The following SECISBP2L variants were observed in gnomAD, a reference collection of about 807,000 sequenced individuals.
SECISBP2L encodes the protein SECIS binding protein 2 like.
In SECISBP2L, 43 loss-of-function variants were observed where a neutral mutation model predicts 114.7. That is an observed-to-expected ratio of 0.38 (90% confidence interval 0.29 to 0.48). The LOEUF (loss-of-function observed/expected upper bound fraction) is 0.48. Among genes scored for constraint, SECISBP2L ranks in the 20% least tolerant of loss-of-function variants. SECISBP2L has a pLI of 0.98. For synonymous variants in SECISBP2L, 451 were observed against 439.7 expected (o/e 1.03, Z -0.32); for missense variants, 1,136 against 1,301.1 (o/e 0.87, Z 1.95).
chr15:48,996,359 C>CAA lies in SECISBP2L; in HGVS notation c.2623+6_2623+7dup. 1 of 1,610,160 alleles carries CAA rather than the reference C, an allele frequency of 6.2e-7. No homozygotes were observed. Among genetic ancestry groups the CAA allele is most frequent in the Non-Finnish European group, 8.5e-7 (1 of 1,176,788 alleles). On this transcript the variant is annotated splice_region_variant and intron_variant, in intron 17 of 17. Transcript: ENST00000559471. ...TTAAGTCATTTAAAATAGTATTCAA[C>CAA]AACTTACCATATTCCTTTTCATTTA...
intron 13 of SECISBP2L, among the ~76,000 whole-genome samples, chr15:49,010,864 C>G (rs1415831512): frequency 7.2e-5 from 11 of 152,130 alleles, no homozygotes; most frequent in African/African-American, 2.7e-4. Context: ...AACAGCAGGA[C>G]CTGTCTACTA....
rs944567103 is a variant in SECISBP2L, at chr15:49,017,471, T to C, written c.1251+77A>G. The C allele has an allele frequency of 1.6e-4, 147 of 927,172 alleles. 3 individuals carry two copies. In the Admixed American group the frequency reaches 3.1e-3, roughly 19 times the overall value. 57.4% of individuals were successfully genotyped at this position (927,172 alleles called of 1,614,324 possible). On this transcript the variant is annotated intron_variant, in intron 9 of 17. Coordinates refer to ENST00000559471, the MANE Select transcript of SECISBP2L (RefSeq NM_001193489.2). ...GCTGCTCCATGTGCCTTTACACTTA[T>C]CTTTAATATTTCCCTTCAACATAGC...
intron 14 of SECISBP2L, among the ~76,000 whole-genome samples, chr15:49,005,500 C>G (rs1397181350): frequency 6.8e-6 from 1 of 147,480 alleles, no homozygotes; most frequent in Non-Finnish European, 1.5e-5. Flanking sequence ...CCTTCTTTGT[C>G]TCTCTTGATC....
intron 7 of SECISBP2L, among the ~76,000 whole-genome samples, chr15:49,025,233 T>C (rs1902716993): frequency 6.6e-6 from 1 of 152,200 alleles, no homozygotes; most frequent in Non-Finnish European, 1.5e-5. Context: ...AAGAGTGAAT[T>C]ATTTTTTTTT....
chr15:49,009,190 A>C (rs1467301042), intron 14 of SECISBP2L, 26 bp downstream of exon 14: 2 of 1,608,834 alleles, frequency 1.2e-6, no homozygotes, highest in Non-Finnish European at 1.7e-6. Flanking sequence ...AAACTATTCA[A>C]CCTCAATAAT....
chr15:49,027,293 C>T, intron 7 of SECISBP2L, 72 bp downstream of exon 7: 2 of 1,073,504 alleles, frequency 1.9e-6, no homozygotes, highest in East Asian at 4.8e-5. Flanking sequence ...ATCCACTACA[C>T]CACTGTAACT....
At chr15:49,014,963 A>G (rs1265364775) in intron 11 of SECISBP2L, among the ~76,000 whole-genome samples, 1 of 151,818 alleles carries the variant, frequency 6.6e-6, no homozygotes, top group Non-Finnish European at 1.5e-5. Flanking sequence ...AGTTGTAACA[A>G]TAAGCCATCT....
chr15:49,001,051 G>T lies in SECISBP2L; in HGVS notation c.2074C>A (p.Leu692Ile). The change falls in exon 15 of 18, where the codon CTT becomes ATT. Residue 692 changes from leucine (L) to isoleucine (I), a missense_variant. Physicochemically the swap from Leu to Ile is conservative, Grantham distance 5. Coordinates refer to ENST00000559471, the MANE Select transcript of SECISBP2L (RefSeq NM_001193489.2). ...AAACTGACAAGCTCTTGGAGAAGAAGAGTCACACATTCATCAATCTCTTTA... is the reference window on the plus strand; with the variant it reads ...AAACTGACAAGCTCTTGGAGAAGAATAGTCACACATTCATCAATCTCTTTA... ...LCKEIDECVTLLLQELVSFQE... is the reference protein window; with the variant it reads ...LCKEIDECVTILLQELVSFQE... 9 of 1,613,598 alleles carry T rather than the reference G, an allele frequency of 5.6e-6. No individual in the cohort carries two copies. The highest frequency in any genetic ancestry group is 7.6e-6 in the Non-Finnish European group (9 of 1,179,836).
At chr15:49,025,204 T>G (rs149006425) in intron 7 of SECISBP2L, among the ~76,000 whole-genome samples, 273 of 152,344 alleles carry the variant, frequency 1.8e-3, no homozygotes, top group Non-Finnish European at 3.1e-3. Context: ...AATGATTTAT[T>G]TTTGCAATAA....
intron 3 of SECISBP2L, among the ~76,000 whole-genome samples, chr15:49,033,675 A>G (rs1389042834): frequency 6.6e-6 from 1 of 151,986 alleles, no homozygotes; most frequent in Admixed American, 6.6e-5. Flanking sequence ...AATCGCTACA[A>G]AACAAACAAA....
intron 17 of SECISBP2L, among the ~76,000 whole-genome samples, chr15:48,995,074 G>T (rs1902060562): frequency 6.6e-6 from 1 of 151,864 alleles, no homozygotes; most frequent in African/African-American, 2.4e-5. Context: ...CTTTGAATCT[G>T]GTGCTTTCTG....
rs1902388720 is a variant in SECISBP2L, at chr15:49,009,358, T to C, written c.1885A>G (p.Ser629Gly). 1 of 1,613,922 alleles carries C rather than the reference T, an allele frequency of 6.2e-7. No individual in the cohort carries two copies. The highest frequency in any genetic ancestry group is 8.5e-7 in the Non-Finnish European group (1 of 1,179,910). ...CTTGCTGGAGAGAGTGAAGTATCAC[T>C]GGGCATGCTTAGTCCAGTATCTGTG... is the stretch of plus-strand genomic sequence containing the variant. ...SQEDTGLSMP[S>G]DTSLSPASQN... Residue 629 changes from serine to glycine, a missense_variant, in exon 14 of 18, where the codon AGT becomes GGT. Physicochemically the swap from Ser to Gly is moderately conservative, Grantham distance 56. Around this residue, in one of 2 missense-constraint regions of SECISBP2L, gnomAD observed 684 missense variants for 848.7 expected, o/e 0.81. Transcript: ENST00000559471.
At chr15:49,032,844 G>T in intron 4 of SECISBP2L, 121 bp downstream of exon 4, 1 of 1,255,162 alleles carries the variant, frequency 8.0e-7, no homozygotes, top group Non-Finnish European at 1.1e-6. Flanking sequence ...TCACAAAGTG[G>T]CAGGACAAAT....
intron 16 of SECISBP2L, among the ~76,000 whole-genome samples, chr15:48,997,270 C>T (rs1402736938): frequency 2.0e-5 from 3 of 152,092 alleles, no homozygotes; most frequent in African/African-American, 4.8e-5. Flanking sequence ...GAGTGATGTT[C>T]AGGAATGTAG....
At position 48,993,100 on chromosome 15, in the gene SECISBP2L, A is replaced by T. The variant is rs4774535; in HGVS notation, c.2624-174T>A. On this transcript the variant is annotated intron_variant, in intron 17 of 17. Coordinates refer to ENST00000559471, the MANE Select transcript of SECISBP2L (RefSeq NM_001193489.2). Reference sequence around the variant, plus strand: ...TAGTACTAGTTTGAGACAGAGAGAGAGTGTGTGTGTGTGTGTGTGTGTGTG... The same window carrying T: ...TAGTACTAGTTTGAGACAGAGAGAGTGTGTGTGTGTGTGTGTGTGTGTGTG... Among the ~76,000 whole-genome samples the T allele has an allele frequency of 4.3e-4, 60 of 139,220 alleles. No individual in the cohort carries two copies. In the East Asian group the frequency reaches 4.6e-3, roughly 11 times the overall value. The allele number at this position is 139,220 out of a possible 152,430, so 91.3% of individuals were successfully genotyped here.
At chr15:49,040,314 CAAAA>C (rs1903096939) in intron 1 of SECISBP2L, among the ~76,000 whole-genome samples, 1 of 151,952 alleles carries the variant, frequency 6.6e-6, no homozygotes, top group Non-Finnish European at 1.5e-5. Flanking sequence ...AGCACACACA[CAAAA>C]GAGAGAGAGA....
At chr15:49,006,914 T>A (rs920898691) in intron 14 of SECISBP2L, among the ~76,000 whole-genome samples, 3 of 152,226 alleles carry the variant, frequency 2.0e-5, no homozygotes, top group Non-Finnish European at 4.4e-5. Context: ...GCGCTGGTTT[T>A]TCCTCATCTT....
chr15:48,999,925 C>G lies in SECISBP2L; in HGVS notation c.2311G>C (p.Val771Leu). The G allele has an allele frequency of 6.2e-7, 1 of 1,614,004 alleles. No individual in the cohort carries two copies. Among genetic ancestry groups the G allele is most frequent in the Non-Finnish European group, 8.5e-7 (1 of 1,179,954 alleles). ...AGAGCTTTCCTTCCAAGGGCAAACA[C>G]AAAAGGAATTTCTTGTTCCCGTGCC... ...AMAREQEIPF[V>L]FALGRKALGR... is the part of the protein sequence containing the mutation. The change falls in exon 16 of 18, where the codon GTG (valine) becomes CTG (leucine). Residue 771 changes from valine (V) to leucine (L), a missense_variant. Val to Leu is a conservative substitution (Grantham distance 32, BLOSUM62 1). Coordinates refer to ENST00000559471, the MANE Select transcript of SECISBP2L (RefSeq NM_001193489.2).
Position 48,992,546 on chromosome 15 carries a change from A to C in SECISBP2L, c.3004T>G (p.Tyr1002Asp). 6.2e-7 allele frequency: 1 copy of C among 1,614,102 alleles called. No homozygotes were observed. The highest frequency in any genetic ancestry group is 8.5e-7 in the Non-Finnish European group (1 of 1,180,038). The change falls in exon 18 of 18, where the codon TAT (tyrosine) becomes GAT (aspartate). Residue 1002 changes from tyrosine (Y) to aspartate (D), a missense_variant. Coordinates refer to ENST00000559471, the MANE Select transcript of SECISBP2L (RefSeq NM_001193489.2). ...EDEDEEEEEDYTHEPISVEVQ... is the reference protein window; with the variant it reads ...EDEDEEEEEDDTHEPISVEVQ... ...TCTACAGATATGGGTTCATGAGTAT[A>C]ATCTTCCTCCTCCTCCTCATCTTCA...
Sources: allele counts gnomAD v4.1 joint callset (sites outside exome capture counted in the v4.1 genomes callset), GRCh38; gene constraint gnomAD v4.1.1; regional missense constraint gnomAD v4.1.1; transcripts MANE v1.5; gene names NCBI Gene and HGNC (gene_info 2026-07-23, HGNC 2026-07-21).